Variants in OPCML observed in about 807,000 individuals in gnomAD.
OPCML encodes the protein opioid binding protein/cell adhesion molecule like.
A neutral mutation model predicts 37.8 loss-of-function variants in OPCML; 13 were observed. The observed-to-expected ratio is 0.34, with a 90% CI of 0.22 to 0.55. The LOEUF (loss-of-function observed/expected upper bound fraction) is 0.55, where lower values mean the gene tolerates loss of function less well. OPCML is among the 20% of genes least tolerant of loss of function. OPCML has a pLI of 0.91. For missense variants in OPCML, 341 were observed against 435.6 expected, an observed-to-expected ratio of 0.78 and a Z score of 1.93; for synonymous variants, 176 against 168.8, an observed-to-expected ratio of 1.04 and a Z score of -0.33.
intron 2 of OPCML, among the ~76,000 whole-genome samples, chr11:132,729,787 G>C (rs532135885): frequency 2.7e-4 from 41 of 152,242 alleles, no homozygotes; most frequent in African/African-American, 9.9e-4. Flanking sequence ...TGATGAGTGA[G>C]AACAGTTGTC....
intron 1 of OPCML, among the ~76,000 whole-genome samples, chr11:133,277,291 T>C (rs1252766679): frequency 6.6e-6 from 1 of 152,150 alleles, no homozygotes; most frequent in African/African-American, 2.4e-5. Context: ...TTCTTAACAA[T>C]TTGGTTTTCG....
chr11:132,619,552 T>A (rs3016501), intron 3 of OPCML, among the ~76,000 whole-genome samples: 1 of 151,590 alleles, frequency 6.6e-6, no homozygotes, highest in Admixed American at 6.6e-5. Context: ...AAAATTGGCC[T>A]AAAACGGCCG....
chr11:133,394,750 T>C (rs1374385331), intron 1 of OPCML, among the ~76,000 whole-genome samples: 1 of 152,238 alleles, frequency 6.6e-6, no homozygotes, highest in Non-Finnish European at 1.5e-5. Flanking sequence ...TGTGTATATG[T>C]ACTACATTTT....
chr11:132,941,880 G>T (rs1408097674), intron 2 of OPCML, among the ~76,000 whole-genome samples: 1 of 152,180 alleles, frequency 6.6e-6, no homozygotes, highest in Non-Finnish European at 1.5e-5. Context: ...ATGCAGGAAA[G>T]GTTCCACCAG....
At chr11:132,777,244 T>G (rs1300546850) in intron 2 of OPCML, among the ~76,000 whole-genome samples, 1 of 152,224 alleles carries the variant, frequency 6.6e-6, no homozygotes, top group African/African-American at 2.4e-5. Context: ...TTCCAGGAAG[T>G]GTCCACCCTA....
chr11:133,014,335 A>G (rs1254744853), intron 1 of OPCML, among the ~76,000 whole-genome samples: 1 of 150,626 alleles, frequency 6.6e-6, no homozygotes, highest in Admixed American at 6.6e-5. Flanking sequence ...TTTTCCTGTT[A>G]GTCTGTCTTT....
Position 132,866,899 on chromosome 11 carries a change from T to C in OPCML, c.146+76027A>G, listed in dbSNP as rs1942584796. Among the ~76,000 whole-genome samples, 5 of 152,226 alleles carry C rather than the reference T, an allele frequency of 3.3e-5. No individual in the cohort carries two copies. The South Asian group carries it at 1.0e-3, about 31-fold the overall frequency. ...GTCCCTTGATCTTCCTTCTGTATAA[T>C]GTTATTGCTCATTTGTATTCACTGA... On this transcript the variant is annotated intron_variant, in intron 2 of 7. Transcript: ENST00000524381.
At chr11:132,631,352 CAT>C (rs61450463) in intron 3 of OPCML, among the ~76,000 whole-genome samples, 6,167 of 142,652 alleles carry the variant, frequency 0.043, 314 homozygotes, top group East Asian at 0.25. Flanking sequence ...ACCATATATA[CAT>C]ATATATATAT....
chr11:133,429,759 GA>G (rs1591490001), intron 1 of OPCML, among the ~76,000 whole-genome samples: 1 of 152,114 alleles, frequency 6.6e-6, no homozygotes, highest in East Asian at 1.9e-4. Flanking sequence ...GAGTTGAGAT[GA>G]CCTCACAAAA....
chr11:132,593,811 G>C (rs1272423955), intron 3 of OPCML, among the ~76,000 whole-genome samples: 1 of 152,128 alleles, frequency 6.6e-6, no homozygotes, highest in Non-Finnish European at 1.5e-5. Context: ...ACTGATACTT[G>C]TCCTGTAACC....
chr11:133,163,979 C>G (rs942271994), intron 1 of OPCML, among the ~76,000 whole-genome samples: 2 of 152,196 alleles, frequency 1.3e-5, no homozygotes, highest in Non-Finnish European at 2.9e-5. Context: ...TGTCCCTCCC[C>G]CTCTACCAAT....
In OPCML at chr11:133,494,727, G is replaced by C. The variant is rs560561043; in HGVS notation, c.61+37537C>G. 4.1e-5 allele frequency among the ~76,000 whole-genome samples: 5 copies of C among 122,208 alleles called. 2 individuals carry two copies. In the South Asian group the frequency reaches 1.2e-3, roughly 30 times the overall value. 80.2% of individuals were successfully genotyped at this position (122,208 alleles called of 152,430 possible). A position where few individuals can be genotyped will look rare whatever the true frequency, so the allele number is the denominator to read the frequency against. On this transcript the variant is annotated intron_variant, in intron 1 of 7. Coordinates refer to ENST00000524381, the MANE Select transcript of OPCML (RefSeq NM_001012393.5). Reference sequence around the variant, plus strand: ...CACACTCTGGGGACTGTTGTGGGGCGGGGGGACGGGGGAGGGATAGCATTG... The same window carrying C: ...CACACTCTGGGGACTGTTGTGGGGCCGGGGGACGGGGGAGGGATAGCATTG...
intron 1 of OPCML, among the ~76,000 whole-genome samples, chr11:133,383,797 C>A (rs183199765): frequency 2.0e-5 from 3 of 152,276 alleles, no homozygotes; most frequent in Admixed American, 2.0e-4. Context: ...AGGGGACCGT[C>A]TGTTCCTGAG....
At chr11:132,625,915 C>A (rs1216568949) in intron 3 of OPCML, among the ~76,000 whole-genome samples, 1 of 152,052 alleles carries the variant, frequency 6.6e-6, no homozygotes, top group Non-Finnish European at 1.5e-5. Context: ...GAACTATAGG[C>A]TGTCTTCTCC....
At chr11:132,745,580 A>AG (rs1478888738) in intron 2 of OPCML, among the ~76,000 whole-genome samples, 6 of 87,578 alleles carry the variant, frequency 6.9e-5, no homozygotes, top group African/African-American at 1.8e-4. Flanking sequence ...AAAAAAAAAA[A>AG]AAAGAAAGAA....
intron 3 of OPCML, among the ~76,000 whole-genome samples, chr11:132,623,055 T>A (rs1939516514): frequency 6.6e-6 from 1 of 152,138 alleles, no homozygotes; most frequent in Non-Finnish European, 1.5e-5. Flanking sequence ...TTATTATCAG[T>A]TTGGGCTATT....
At position 133,177,521 on chromosome 11, in the gene OPCML, C is replaced by T. The variant is rs918305860; in HGVS notation, c.62-234511G>A. ...CCTGCTTCCTGATGGACAGGAAAGA[C>T]TGCACCAGACCCTAGCTTTCCCAGG... On this transcript the variant is annotated intron_variant, in intron 1 of 7. Coordinates refer to ENST00000524381, the MANE Select transcript of OPCML (RefSeq NM_001012393.5). The surrounding 1 kb of genome is among the most constrained non-coding windows in gnomAD (Gnocchi z 5.0). 6.6e-6 allele frequency among the ~76,000 whole-genome samples: 1 copy of T among 152,186 alleles called. No individual in the cohort carries two copies. The highest frequency in any genetic ancestry group is 2.4e-5 in the African/African-American group (1 of 41,446).
At chr11:132,622,718 G>A (rs1939495203) in intron 3 of OPCML, among the ~76,000 whole-genome samples, 2 of 152,178 alleles carry the variant, frequency 1.3e-5, no homozygotes, top group Admixed American at 6.5e-5. Flanking sequence ...ACCATGGGGG[G>A]CTGCTAAGAG....
chr11:132,677,903 G>T (rs1410192636), intron 2 of OPCML, among the ~76,000 whole-genome samples: 1 of 151,918 alleles, frequency 6.6e-6, no homozygotes, highest in Non-Finnish European at 1.5e-5. Flanking sequence ...TTGATACGCT[G>T]GATTTCATTA....
Sources: gnomAD v4.1 joint callset for allele counts (sites outside exome capture counted in the v4.1 genomes callset) on GRCh38, gnomAD v4.1.1 for gene constraint, Gnocchi (gnomAD v3.1) non-coding constraint, MANE v1.5 for transcripts, NCBI Gene and HGNC (gene_info 2026-07-23, HGNC 2026-07-21) for gene names.